The following ADGRL3 variants were observed in gnomAD, a reference collection of about 807,000 sequenced individuals.
The protein encoded by ADGRL3 is adhesion G protein-coupled receptor L3, also known as calcium-independent alpha-latrotoxin receptor 3.
A neutral mutation model predicts 153.5 loss-of-function variants in ADGRL3; 62 were observed. The ratio of observed to expected loss-of-function variants is 0.40; its 90% CI spans 0.33 to 0.50. The LOEUF (loss-of-function observed/expected upper bound fraction) is 0.50. Ranked by LOEUF, ADGRL3 falls within the 20% of genes least tolerant of loss-of-function variation. ADGRL3 has a pLI of 0.47. For missense variants in ADGRL3, 1,641 were observed against 1,859.4 expected (o/e 0.88, Z 2.16); for synonymous variants, 710 against 672.5 (o/e 1.06, Z -0.86).
intron 5 of ADGRL3, among the ~76,000 whole-genome samples, chr4:61,652,202 G>A (rs2094284316): frequency 2.0e-5 from 3 of 151,616 alleles, no homozygotes; most frequent in African/African-American, 7.3e-5. Context: ...ATATCAGGAG[G>A]TTTTTTTAAG....
At chr4:61,415,530 T>A (rs2097135197) in intron 2 of ADGRL3, among the ~76,000 whole-genome samples, 1 of 152,044 alleles carries the variant, frequency 6.6e-6, no homozygotes, top group Non-Finnish European at 1.5e-5. Context: ...ATCTACCACA[T>A]CATTGTTTGC....
At chr4:61,986,973 T>A (rs954538045) in intron 19 of ADGRL3, among the ~76,000 whole-genome samples, 1 of 152,108 alleles carries the variant, frequency 6.6e-6, no homozygotes, top group Non-Finnish European at 1.5e-5. Context: ...CATCAGGGCT[T>A]AATCAAGACA....
chr4:62,058,742 G>T (rs765515115), intron 25 of ADGRL3, among the ~76,000 whole-genome samples: 1 of 152,104 alleles, frequency 6.6e-6, no homozygotes, highest in Non-Finnish European at 1.5e-5. Context: ...GAACTTCTTG[G>T]AAGTCTTCAA....
rs535319557 is a variant in ADGRL3 at position 61,340,257 on chromosome 4, A to C, written c.-239-42867A>C. Among the ~76,000 whole-genome samples, 107 of 152,068 alleles carry C rather than the reference A, an allele frequency of 7.0e-4. 3 individuals are homozygous for C. The South Asian group carries it at 0.022, about 31-fold the overall frequency. On this transcript the variant is annotated intron_variant, in intron 1 of 26. Transcript: ENST00000683033. ...ACTGGAGGGTGGCCTTACCAGTTCT[A>C]TTATCCTCATTTTAAAGCCCAGTCC...
chr4:61,854,768 C>A (rs1053088944), intron 9 of ADGRL3, among the ~76,000 whole-genome samples: 5 of 152,158 alleles, frequency 3.3e-5, no homozygotes, highest in Admixed American at 3.3e-4. Context: ...GAAGACACTA[C>A]CTTTGTCAGA....
In ADGRL3 at chr4:61,380,557, T is replaced by C. The variant is rs141910808; in HGVS notation, c.-239-2567T>C. ...ACAAAGTTTGATTTAAAGCAAAAAT[T>C]AATTTAACTTTTAATTTTTAATTAA... On this transcript the variant is annotated intron_variant, in intron 1 of 26. Coordinates refer to ENST00000683033, the MANE Select transcript of ADGRL3 (RefSeq NM_001387552.1). Among the ~76,000 whole-genome samples, 687 of 152,102 alleles carry C rather than the reference T, an allele frequency of 4.5e-3. 5 individuals are homozygous for C. Among genetic ancestry groups the C allele is most frequent in the African/African-American group, 0.016 (657 of 41,524 alleles).
rs1390736379 is a variant in ADGRL3 at position 61,283,987 on chromosome 4, C to T, written c.-240+82222C>T. ...ATAACTATGTAACGATACCTGCTTG[C>T]ATACAAAATCACAAGGTTGTAGTCC... On this transcript the variant is annotated intron_variant, in intron 1 of 26. Transcript: ENST00000683033. Among the ~76,000 whole-genome samples the T allele has an allele frequency of 2.6e-5, 4 of 152,092 alleles. No individual in the cohort carries two copies. In the South Asian group the frequency reaches 8.3e-4, roughly 32 times the overall value.
In ADGRL3 at chr4:61,202,744, G is replaced by A. The variant is rs2148695448; in HGVS notation, c.-240+979G>A. ...GTGCCAGGCCCCCAGCACTATAGGT[G>A]GGTGTGTGTGTGTCTGTGCGTGTGT... On this transcript the variant is annotated intron_variant, in intron 1 of 26. Transcript: ENST00000683033. The surrounding 1 kb of genome is among the most constrained non-coding windows in gnomAD (Gnocchi z 5.0). 6.6e-6 allele frequency among the ~76,000 whole-genome samples: 1 copy of A among 152,302 alleles called. No homozygotes were observed. Among genetic ancestry groups the A allele is most frequent in the Non-Finnish European group, 1.5e-5 (1 of 68,010 alleles).
chr4:61,303,779 T>C lies in ADGRL3; in HGVS notation c.-239-79345T>C, dbSNP rs1164573023. Among the ~76,000 whole-genome samples the C allele has an allele frequency of 2.0e-5, 3 of 152,186 alleles. No individual in the cohort carries two copies. The East Asian group carries it at 5.8e-4, about 29-fold the overall frequency. On this transcript the variant is annotated intron_variant, in intron 1 of 26. Transcript: ENST00000683033. Reference sequence around the variant, plus strand: ...TGAATTTATGAGTGGTTTTACAGACTCTCTAGTACAGTTTGATTACTTCAT... The same window carrying C: ...TGAATTTATGAGTGGTTTTACAGACCCTCTAGTACAGTTTGATTACTTCAT...
chr4:61,983,166 A>T (rs2099074437), intron 18 of ADGRL3, among the ~76,000 whole-genome samples: 1 of 152,126 alleles, frequency 6.6e-6, no homozygotes, highest in South Asian at 2.1e-4. Context: ...ATACACTGTC[A>T]TCTATAAGCC....
intron 2 of ADGRL3, among the ~76,000 whole-genome samples, chr4:61,418,802 A>T (rs556651213): frequency 6.6e-6 from 1 of 150,666 alleles, no homozygotes; most frequent in East Asian, 2.1e-4. Flanking sequence ...TTAAATGTTC[A>T]TGCTTCCATG....
intron 9 of ADGRL3, among the ~76,000 whole-genome samples, chr4:61,870,362 A>AAAAT (rs2098436579): frequency 6.6e-6 from 1 of 152,228 alleles, no homozygotes; most frequent in Admixed American, 6.5e-5. Context: ...AAAAGTGTTA[A>AAAAT]AAATAAATAA....
intron 4 of ADGRL3, among the ~76,000 whole-genome samples, chr4:61,535,901 G>A (rs2098653010): frequency 6.6e-6 from 1 of 151,600 alleles, no homozygotes; most frequent in Non-Finnish European, 1.5e-5. Context: ...TTTTATTTAG[G>A]TCTTCTTGAA....
At chr4:61,646,072 G>T (rs1418034520) in intron 5 of ADGRL3, among the ~76,000 whole-genome samples, 3 of 152,088 alleles carry the variant, frequency 2.0e-5, no homozygotes, top group African/African-American at 7.2e-5. Context: ...TCCAGTTGAT[G>T]GCATCGGCTC....
At chr4:62,004,191 A>G (rs2099149964) in intron 21 of ADGRL3, among the ~76,000 whole-genome samples, 1 of 152,078 alleles carries the variant, frequency 6.6e-6, no homozygotes, top group Non-Finnish European at 1.5e-5. Flanking sequence ...AGAATATTTT[A>G]ATGCTTTAAT....
intron 21 of ADGRL3, among the ~76,000 whole-genome samples, chr4:62,008,384 G>A (rs935425557): frequency 1.3e-5 from 2 of 152,082 alleles, no homozygotes; most frequent in African/African-American, 2.4e-5. Flanking sequence ...AGAGTATGGG[G>A]TATAGTGTAC....
chr4:61,869,262 C>T (rs1245405817), intron 9 of ADGRL3, among the ~76,000 whole-genome samples: 1 of 152,002 alleles, frequency 6.6e-6, no homozygotes, highest in Non-Finnish European at 1.5e-5. Flanking sequence ...TTTTAACATG[C>T]CAAACATTTA....
At chr4:61,993,901 C>T (rs1439600484) in intron 19 of ADGRL3, among the ~76,000 whole-genome samples, 3 of 151,964 alleles carry the variant, frequency 2.0e-5, no homozygotes, top group East Asian at 1.9e-4. Flanking sequence ...TTTTGAACAC[C>T]GTCACAACAA....
intron 21 of ADGRL3, among the ~76,000 whole-genome samples, chr4:62,012,572 A>G (rs2099191640): frequency 6.6e-6 from 1 of 152,146 alleles, no homozygotes; most frequent in Non-Finnish European, 1.5e-5. Flanking sequence ...TAACTCTTAG[A>G]TATACTCCTT....
Sources: gnomAD v4.1 joint callset for allele counts (sites outside exome capture counted in the v4.1 genomes callset) on GRCh38, gnomAD v4.1.1 for gene constraint, Gnocchi (gnomAD v3.1) non-coding constraint, MANE v1.5 for transcripts, NCBI Gene and HGNC (gene_info 2026-07-23, HGNC 2026-07-21) for gene names.